GABRB1: variants seen among roughly 807,000 people sequenced by gnomAD.
The protein encoded by GABRB1 is gamma-aminobutyric acid type A receptor subunit beta1.
In GABRB1, 17 loss-of-function variants were observed where a neutral mutation model predicts 51.6. The ratio of observed to expected loss-of-function variants is 0.33; its 90% CI spans 0.23 to 0.49. The LOEUF (loss-of-function observed/expected upper bound fraction) is 0.49, where lower values mean the gene tolerates loss of function less well. Among genes scored for constraint, GABRB1 ranks in the 20% least tolerant of loss-of-function variants. The pLI is 0.99. For missense variants in GABRB1, 410 were observed against 600.6 expected (o/e 0.68, Z 3.32); for synonymous variants, 247 against 218.9 (o/e 1.13, Z -1.14).
Position 47,280,096 on chromosome 4 carries a change from C to T in GABRB1, c.462-40031C>T, listed in dbSNP as rs569548609. Among the ~76,000 whole-genome samples the T allele has an allele frequency of 2.5e-4, 38 of 151,536 alleles. 1 individual carries two copies. The highest frequency in any genetic ancestry group is 7.5e-4 in the African/African-American group (31 of 41,374). On this transcript the variant is annotated intron_variant, in intron 4 of 8. Coordinates refer to ENST00000295454, the MANE Select transcript of GABRB1 (RefSeq NM_000812.4). ...CTTTTTTTTCTTTCTTTCTTGATGT[C>T]TTCCTTTGTGGTGTATGACCTTCTG...
At chr4:47,243,043 A>T (rs1298471566) in intron 4 of GABRB1, among the ~76,000 whole-genome samples, 1 of 152,152 alleles carries the variant, frequency 6.6e-6, no homozygotes, top group African/African-American at 2.4e-5. Flanking sequence ...TCTTTAATCC[A>T]TCTTGAATTA....
At chr4:47,107,947 A>G (rs926188071) in intron 3 of GABRB1, among the ~76,000 whole-genome samples, 2 of 152,048 alleles carry the variant, frequency 1.3e-5, no homozygotes, top group African/African-American at 4.8e-5. Context: ...TCTTTTTATC[A>G]ATACTTCGTT....
At chr4:47,282,382 A>G (rs1723324221) in intron 4 of GABRB1, among the ~76,000 whole-genome samples, 1 of 152,138 alleles carries the variant, frequency 6.6e-6, no homozygotes, top group African/African-American at 2.4e-5. Context: ...GTGGGCTTAT[A>G]AGCCCCACAT....
intron 4 of GABRB1, among the ~76,000 whole-genome samples, chr4:47,198,271 G>A (rs1373913678): frequency 6.6e-6 from 1 of 152,214 alleles, no homozygotes; most frequent in Non-Finnish European, 1.5e-5. Context: ...TCTGGAGACA[G>A]AAGGTAGTAT....
intron 5 of GABRB1, among the ~76,000 whole-genome samples, chr4:47,362,009 TGAATGA>T (rs1726826878): frequency 6.6e-6 from 1 of 151,718 alleles, no homozygotes; most frequent in South Asian, 2.1e-4. Context: ...AAATGGAAAA[TGAATGA>T]GAAGAGAGGA....
At position 47,187,096 on chromosome 4, in the gene GABRB1, A is replaced by G. The variant is rs569732288; in HGVS notation, c.461+25627A>G. Among the ~76,000 whole-genome samples the G allele has an allele frequency of 2.0e-5, 3 of 152,018 alleles. No individual in the cohort carries two copies. The South Asian group carries it at 6.2e-4, about 32-fold the overall frequency. On this transcript the variant is annotated intron_variant, in intron 4 of 8. Transcript: ENST00000295454. Reference sequence around the variant, plus strand: ...AGGATTGTGATTCCAGTGCTTTTACATTTAGGCACTGTACTCAAAACTTCT... The same window carrying G: ...AGGATTGTGATTCCAGTGCTTTTACGTTTAGGCACTGTACTCAAAACTTCT...
intron 4 of GABRB1, among the ~76,000 whole-genome samples, chr4:47,224,227 A>T (rs998579744): frequency 2.0e-5 from 3 of 150,004 alleles, no homozygotes; most frequent in Non-Finnish European, 3.0e-5. Context: ...GACTCAAATA[A>T]GACTCAAATG....
At chr4:47,054,796 G>A (rs1391882080) in intron 3 of GABRB1, among the ~76,000 whole-genome samples, 1 of 152,108 alleles carries the variant, frequency 6.6e-6, no homozygotes, top group Admixed American at 6.5e-5. Flanking sequence ...AGTTGGCCAG[G>A]CTGGTCTCCA....
intron 3 of GABRB1, among the ~76,000 whole-genome samples, chr4:47,137,150 C>T (rs1357722495): frequency 6.6e-6 from 1 of 152,026 alleles, no homozygotes; most frequent in Non-Finnish European, 1.5e-5. Context: ...CCTAACTGGC[C>T]TCTAGGAAGT....
At chr4:47,392,873 AG>A (rs1340012277) in intron 5 of GABRB1, among the ~76,000 whole-genome samples, 1 of 152,242 alleles carries the variant, frequency 6.6e-6, no homozygotes, top group Non-Finnish European at 1.5e-5. Flanking sequence ...AAGAGAAAGA[AG>A]GTATGTCAAT....
At chr4:47,362,534 A>C in intron 5 of GABRB1, among the ~76,000 whole-genome samples, 1 of 152,308 alleles carries the variant, frequency 6.6e-6, no homozygotes, top group South Asian at 2.1e-4. Context: ...TTTGTAATCC[A>C]TCATAAATTT....
intron 4 of GABRB1, among the ~76,000 whole-genome samples, chr4:47,277,647 C>CA (rs967202909): frequency 2.7e-5 from 4 of 150,680 alleles, no homozygotes; most frequent in South Asian, 2.1e-4. Context: ...TATGTGCCCA[C>CA]AAAAAAAATT....
chr4:47,324,033 A>G (rs1432818696), intron 5 of GABRB1, among the ~76,000 whole-genome samples: 1 of 152,188 alleles, frequency 6.6e-6, no homozygotes, highest in Admixed American at 6.5e-5. Flanking sequence ...AGCTTGGAGT[A>G]ATAATGATGA....
chr4:47,362,884 A>C (rs901741437), intron 5 of GABRB1, among the ~76,000 whole-genome samples: 4 of 152,186 alleles, frequency 2.6e-5, no homozygotes, highest in African/African-American at 9.6e-5. Flanking sequence ...ATGCTCATCA[A>C]ATAACAAGAA....
At chr4:47,343,133 C>G (rs1355443150) in intron 5 of GABRB1, among the ~76,000 whole-genome samples, 1 of 151,420 alleles carries the variant, frequency 6.6e-6, no homozygotes, top group East Asian at 1.9e-4. Flanking sequence ...TTAAAGTCAC[C>G]CTCACTCAAC....
chr4:47,103,021 G>A (rs1480906064), intron 3 of GABRB1, among the ~76,000 whole-genome samples: 2 of 151,926 alleles, frequency 1.3e-5, no homozygotes, highest in African/African-American at 4.8e-5. Context: ...AGCTGGATGA[G>A]TTGTTGTGCA....
At chr4:47,408,421 C>T (rs1356665303) in intron 8 of GABRB1, among the ~76,000 whole-genome samples, 2 of 152,178 alleles carry the variant, frequency 1.3e-5, no homozygotes, top group African/African-American at 4.8e-5. Flanking sequence ...GGTGTATCTT[C>T]ATGCTCTTTA....
chr4:47,107,069 C>T (rs761030412), intron 3 of GABRB1, among the ~76,000 whole-genome samples: 3 of 152,088 alleles, frequency 2.0e-5, no homozygotes, highest in Non-Finnish European at 4.4e-5. Context: ...CTCTGAAACA[C>T]TATTTACTAG....
chr4:47,001,287 C>T (rs1052214877), intron 1 of GABRB1, among the ~76,000 whole-genome samples: 82 of 151,848 alleles, frequency 5.4e-4, no homozygotes, highest in East Asian at 5.8e-4. Flanking sequence ...GGACTACAGG[C>T]GCCCCCCACC....
Sources: allele counts gnomAD v4.1 joint callset (sites outside exome capture counted in the v4.1 genomes callset), GRCh38; gene constraint gnomAD v4.1.1; transcripts MANE v1.5; gene names NCBI Gene and HGNC (gene_info 2026-07-23, HGNC 2026-07-21).